The following ARHGAP6 variants were observed in gnomAD, a reference collection of about 807,000 sequenced individuals.
ARHGAP6 encodes Rho GTPase activating protein 6, also known as rho GTPase-activating protein 6.
ARHGAP6 carries 16 observed loss-of-function variants against 55.7 expected under a neutral mutation model. That is an observed-to-expected ratio of 0.29 (90% CI 0.19 to 0.44). The LOEUF (loss-of-function observed/expected upper bound fraction) is 0.44, where lower values mean the gene tolerates loss of function less well. ARHGAP6 is among the 20% of genes least tolerant of loss of function. The pLI is 1.00. For synonymous variants in ARHGAP6, 382 were observed against 360.9 expected, an observed-to-expected ratio of 1.06 and a Z score of -0.66; for missense variants, 698 against 808.9, an observed-to-expected ratio of 0.86 and a Z score of 1.66.
chrX:11,302,624 C>T (rs2048186507), intron 1 of ARHGAP6, among the ~76,000 whole-genome samples: 1 of 110,578 alleles, frequency 9.0e-6, no homozygotes, highest in Non-Finnish European at 1.9e-5. Context: ...ACGTTACACA[C>T]ACTCACACAC....
At chrX:11,417,067 T>C (rs1391276396) in intron 1 of ARHGAP6, among the ~76,000 whole-genome samples, 18 of 29,007 alleles carry the variant, frequency 6.2e-4, no homozygotes, top group African/African-American at 2.0e-3. Flanking sequence ...TACATATATA[T>C]ATATATATAT....
At chrX:11,570,580 TC>T (rs1473707029) in intron 1 of ARHGAP6, among the ~76,000 whole-genome samples, 1 of 110,110 alleles carries the variant, frequency 9.1e-6, no homozygotes, top group Non-Finnish European at 1.9e-5. Flanking sequence ...ACTATTATTA[TC>T]CCCCACTTAT....
chrX:11,208,357 G>C (rs2046738801), intron 2 of ARHGAP6, among the ~76,000 whole-genome samples: 1 of 111,448 alleles, frequency 9.0e-6, no homozygotes, highest in African/African-American at 3.3e-5. Flanking sequence ...CAAAAGCCCG[G>C]GTTGTTGAAG....
intron 6 of ARHGAP6, among the ~76,000 whole-genome samples, chrX:11,180,599 A>G (rs139290400): frequency 8.5e-4 from 95 of 112,072 alleles, no homozygotes; most frequent in African/African-American, 3.0e-3. Flanking sequence ...GGCATATTTC[A>G]TACTTGAAAT....
intron 1 of ARHGAP6, among the ~76,000 whole-genome samples, chrX:11,392,522 C>A (rs962745230): frequency 9.0e-6 from 1 of 111,677 alleles, no homozygotes; most frequent in Admixed American, 9.5e-5. Flanking sequence ...AGAGAGAAAT[C>A]CTAAAAGGAA....
intron 4 of ARHGAP6, among the ~76,000 whole-genome samples, chrX:11,188,301 A>G (rs749088132): frequency 8.9e-5 from 10 of 112,172 alleles, no homozygotes; most frequent in African/African-American, 2.6e-4. Flanking sequence ...GAAAAAGCTC[A>G]TTGTTTATGA....
chrX:11,344,167 AG>A (rs1385881341), intron 1 of ARHGAP6, among the ~76,000 whole-genome samples: 2 of 111,692 alleles, frequency 1.8e-5, no homozygotes, highest in Non-Finnish European at 3.8e-5. Context: ...CTTTGGGGCC[AG>A]ATAATTCTAT....
intron 9 of ARHGAP6, among the ~76,000 whole-genome samples, chrX:11,168,977 G>C (rs1237720894): frequency 8.9e-6 from 1 of 111,755 alleles, no homozygotes; most frequent in Non-Finnish European, 1.9e-5. Flanking sequence ...ACTCTACTAG[G>C]GGAAATGGTC....
At chrX:11,376,451 A>G (rs952243851) in intron 1 of ARHGAP6, among the ~76,000 whole-genome samples, 1 of 112,880 alleles carries the variant, frequency 8.9e-6, no homozygotes, top group African/African-American at 3.2e-5. Flanking sequence ...AGATGGAAGA[A>G]GGGCACAAAA....
chrX:11,293,854 A>C (rs1438194215), intron 1 of ARHGAP6, among the ~76,000 whole-genome samples: 2 of 112,478 alleles, frequency 1.8e-5, no homozygotes, highest in Non-Finnish European at 3.8e-5. Flanking sequence ...AAACAAACAA[A>C]CAAAAAACAA....
chrX:11,155,753 G>T (rs1194984311), intron 10 of ARHGAP6, among the ~76,000 whole-genome samples: 1 of 112,155 alleles, frequency 8.9e-6, no homozygotes, highest in East Asian at 2.8e-4. Flanking sequence ...CAAATTTATT[G>T]TTTGGTGTCC....
chrX:11,528,550 G>T (rs1399400813), intron 1 of ARHGAP6, among the ~76,000 whole-genome samples: 5 of 112,224 alleles, frequency 4.5e-5, no homozygotes, highest in African/African-American at 1.6e-4. Flanking sequence ...TATAGCAAAG[G>T]TTGCTTGTCC....
chrX:11,557,953 G>A (rs780382851), intron 1 of ARHGAP6, among the ~76,000 whole-genome samples: 137 of 111,771 alleles, frequency 1.2e-3, no homozygotes, highest in Admixed American at 1.9e-3. Context: ...AATCATTCTA[G>A]ACAGATACGG....
At chrX:11,546,502 C>G (rs1395944184) in intron 1 of ARHGAP6, among the ~76,000 whole-genome samples, 1 of 112,015 alleles carries the variant, frequency 8.9e-6, no homozygotes, top group African/African-American at 3.2e-5. Flanking sequence ...CATTTGGAAA[C>G]TACTTTCAGC....
intron 1 of ARHGAP6, among the ~76,000 whole-genome samples, chrX:11,462,627 T>C (rs2050256231): frequency 8.9e-6 from 1 of 112,561 alleles, no homozygotes; most frequent in Admixed American, 9.4e-5. Flanking sequence ...ATTTGATTTT[T>C]ATAATGAGAT....
intron 1 of ARHGAP6, among the ~76,000 whole-genome samples, chrX:11,543,868 G>T (rs1018700096): frequency 8.9e-6 from 1 of 112,604 alleles, no homozygotes; most frequent in African/African-American, 3.2e-5. Context: ...TGCTTATTTT[G>T]TTAATTTGCT....
chrX:11,613,751 T>C (rs1412234297), intron 1 of ARHGAP6, among the ~76,000 whole-genome samples: 1 of 112,277 alleles, frequency 8.9e-6, no homozygotes, highest in Non-Finnish European at 1.9e-5. Flanking sequence ...AAAGAGAAAA[T>C]GGACTCACAC....
At chrX:11,409,351 T>C (rs1176860610) in intron 1 of ARHGAP6, among the ~76,000 whole-genome samples, 1 of 111,622 alleles carries the variant, frequency 9.0e-6, no homozygotes, top group Non-Finnish European at 1.9e-5. Flanking sequence ...CACCCCATGA[T>C]TCACTGGATA....
intron 2 of ARHGAP6, among the ~76,000 whole-genome samples, chrX:11,245,231 C>T (rs1569270995): frequency 2.7e-5 from 3 of 111,808 alleles, no homozygotes; most frequent in African/African-American, 6.5e-5. Flanking sequence ...AGGAACTACT[C>T]GATGATAGGA....
Sources: gnomAD v4.1 joint callset for allele counts (sites outside exome capture counted in the v4.1 genomes callset) on GRCh38, gnomAD v4.1.1 for gene constraint, MANE v1.5 for transcripts, NCBI Gene and HGNC (gene_info 2026-07-23, HGNC 2026-07-21) for gene names.